The following PPFIBP1 variants were observed in gnomAD, a reference collection of about 807,000 sequenced individuals.
PPFIBP1 encodes the protein PPFIB scaffold protein 1, also known as liprin-beta-1.
PPFIBP1 carries 112 observed loss-of-function variants against 137.8 expected under a neutral mutation model. The ratio of observed to expected loss-of-function variants is 0.81; its 90% confidence interval spans 0.70 to 0.95. The LOEUF is 0.95. PPFIBP1 is among the 40% of genes least tolerant of loss of function. PPFIBP1 has a pLI of 0.00. For missense variants in PPFIBP1, 1,083 were observed against 1,196.6 expected (o/e 0.91, Z 1.40); for synonymous variants, 378 against 417.3 (o/e 0.91, Z 1.15).
At chr12:27,661,054 T>C in intron 11 of PPFIBP1, 109 bp downstream of exon 11, 2 of 1,446,906 alleles carry the variant, frequency 1.4e-6, no homozygotes, top group South Asian at 2.8e-5. Context: ...CCCAGAACAC[T>C]GCTAGGAGTG....
At chr12:27,595,806 A>G (rs927582512) in intron 2 of PPFIBP1, among the ~76,000 whole-genome samples, 4 of 151,206 alleles carry the variant, frequency 2.6e-5, no homozygotes, top group Non-Finnish European at 1.5e-5. Context: ...GTGAGCGGAG[A>G]TAGCGCCATT....
chr12:27,679,732 A>T lies in PPFIBP1; in HGVS notation c.1766+93A>T, dbSNP rs1425762709. 5 of 1,455,356 alleles carry T rather than the reference A, an allele frequency of 3.4e-6. No individual in the cohort carries two copies. In the African/African-American group the frequency reaches 7.1e-5, roughly 21 times the overall value. The allele number at this position is 1,455,356 out of a possible 1,614,324, so 90.2% of individuals were successfully genotyped here. ...GGTATGGACTTTGTAAGGCCTTTGT[A>T]TTCCTCTTATGGAAGGAAGTTTGGA... On this transcript the variant is annotated intron_variant, in intron 20 of 29. Transcript: ENST00000228425.
At chr12:27,646,223 G>T (rs1565930952) in intron 5 of PPFIBP1, 75 bp downstream of exon 5, 1 of 1,169,650 alleles carries the variant, frequency 8.5e-7, no homozygotes, top group Non-Finnish European at 1.3e-6. Context: ...GGCAAATTCA[G>T]ATTGCTTGCA....
At chr12:27,577,788 C>T (rs150101278) in intron 1 of PPFIBP1, among the ~76,000 whole-genome samples, 299 of 152,108 alleles carry the variant, frequency 2.0e-3, no homozygotes, top group African/African-American at 6.9e-3. Context: ...ATTGCAAAAC[C>T]GTGGTTCATT....
At chr12:27,652,251 C>T (rs372498012) in intron 7 of PPFIBP1, among the ~76,000 whole-genome samples, 3 of 152,248 alleles carry the variant, frequency 2.0e-5, no homozygotes, top group African/African-American at 7.2e-5. Context: ...GAAGTATAGG[C>T]ATTTCCAAAG....
chr12:27,689,224 T>C (rs1364406978), intron 27 of PPFIBP1, 21 bp downstream of exon 27: 22 of 1,512,562 alleles, frequency 1.5e-5, no homozygotes, highest in African/African-American at 2.8e-5. Context: ...GCTCATACGG[T>C]TTAATAATTG....
At chr12:27,641,859 C>A (rs972172777) in intron 4 of PPFIBP1, among the ~76,000 whole-genome samples, 2 of 152,140 alleles carry the variant, frequency 1.3e-5, no homozygotes, top group Admixed American at 1.3e-4. Context: ...ATAAACCAGG[C>A]ATTCGAACTG....
chr12:27,641,986 A>T (rs1218934356), intron 4 of PPFIBP1, among the ~76,000 whole-genome samples: 1 of 99,176 alleles, frequency 1.0e-5, no homozygotes, highest in Non-Finnish European at 2.5e-5. Flanking sequence ...AATAAATAGA[A>T]GGCTTTCCAC....
At chr12:27,543,167 T>A (rs979263281) in intron 1 of PPFIBP1, among the ~76,000 whole-genome samples, 1 of 152,244 alleles carries the variant, frequency 6.6e-6, no homozygotes, top group East Asian at 1.9e-4. Flanking sequence ...GCCTGAAGAA[T>A]TTCAACATGA....
rs752623047 is a variant in PPFIBP1, at chr12:27,680,069, G to T, written c.1895+8G>T. ...CTTGGGACAGTCTAACAGGTAAGAA[G>T]AGCCAACTGATAGACTTTTGCATCT... On this transcript the variant is annotated splice_region_variant and intron_variant, in intron 21 of 29. Coordinates refer to ENST00000228425, the MANE Select transcript of PPFIBP1 (RefSeq NM_003622.4). 5.0e-6 allele frequency: 8 copies of T among 1,613,580 alleles called. No homozygotes were observed. The Admixed American group carries it at 5.0e-5, about 10-fold the overall frequency.
At chr12:27,633,835 C>CTTTTTTTTTTT (rs56705005) in intron 3 of PPFIBP1, among the ~76,000 whole-genome samples, 1 of 113,014 alleles carries the variant, frequency 8.8e-6, no homozygotes, top group African/African-American at 3.3e-5. Flanking sequence ...ACTCCCGTAT[C>CTTTTTTTTTTT]TTTTTTTTTT....
At chr12:27,559,116 C>T (rs1334225826) in intron 1 of PPFIBP1, among the ~76,000 whole-genome samples, 1 of 151,832 alleles carries the variant, frequency 6.6e-6, no homozygotes, top group Non-Finnish European at 1.5e-5. Context: ...GATCCTCCTG[C>T]CTTAGCCTTC....
chr12:27,667,553 T>C (rs993638060), intron 13 of PPFIBP1, among the ~76,000 whole-genome samples: 7 of 152,198 alleles, frequency 4.6e-5, no homozygotes, highest in African/African-American at 1.7e-4. Flanking sequence ...TGGAGAGGAG[T>C]AAACAGTTAT....
At chr12:27,628,101 G>A (rs1452487156) in intron 2 of PPFIBP1, among the ~76,000 whole-genome samples, 1 of 152,122 alleles carries the variant, frequency 6.6e-6, no homozygotes, top group Non-Finnish European at 1.5e-5. Context: ...ATTCAAAGAA[G>A]CATATATTAG....
chr12:27,599,425 T>G, intron 2 of PPFIBP1: 1 of 455,708 alleles, frequency 2.2e-6, no homozygotes, highest in South Asian at 1.6e-5. Context: ...TTGGGTTTTC[T>G]GGGTCTCCAG....
At chr12:27,599,229 C>T (rs1212628947) in intron 2 of PPFIBP1, 1 of 205,974 alleles carries the variant, frequency 4.9e-6, no homozygotes, top group South Asian at 8.0e-5. Flanking sequence ...ATCAGTAGAC[C>T]CAGGAAAGCA....
intron 2 of PPFIBP1, among the ~76,000 whole-genome samples, chr12:27,627,804 C>A (rs1244665409): frequency 1.3e-5 from 2 of 149,676 alleles, no homozygotes; most frequent in Non-Finnish European, 3.0e-5. Flanking sequence ...GAACATATTT[C>A]TGTTGGTTAC....
chr12:27,638,993 G>A (rs1446385062), intron 4 of PPFIBP1, among the ~76,000 whole-genome samples: 3 of 152,094 alleles, frequency 2.0e-5, no homozygotes, highest in Non-Finnish European at 4.4e-5. Context: ...CCTGGGCCAG[G>A]GAGATCCCCT....
intron 1 of PPFIBP1, among the ~76,000 whole-genome samples, chr12:27,525,939 C>T (rs1340964711): frequency 6.6e-6 from 1 of 152,146 alleles, no homozygotes; most frequent in African/African-American, 2.4e-5. Flanking sequence ...AAGGAAAATT[C>T]GCTTTATTGG....
Sources: gnomAD v4.1 joint callset for allele counts (sites outside exome capture counted in the v4.1 genomes callset) on GRCh38, gnomAD v4.1.1 for gene constraint, MANE v1.5 for transcripts, NCBI Gene and HGNC (gene_info 2026-07-23, HGNC 2026-07-21) for gene names.